Variants in ANKRD44 observed in about 807,000 individuals in gnomAD.
ANKRD44 encodes serine/threonine-protein phosphatase 6 regulatory ankyrin repeat subunit B.
Under a neutral mutation model 116.0 loss-of-function variants are expected in ANKRD44, and 35 were observed. That is an observed-to-expected ratio of 0.30 (90% CI 0.23 to 0.40). The LOEUF is 0.40. ANKRD44 is among the 10% of genes least tolerant of loss of function. ANKRD44 has a pLI of 1.00. For synonymous variants in ANKRD44, 435 were observed against 461.8 expected (o/e 0.94, Z 0.74); for missense variants, 1,014 against 1,242.6 (o/e 0.82, Z 2.77).
intron 1 of ANKRD44, among the ~76,000 whole-genome samples, chr2:197,266,915 G>A (rs184973460): frequency 6.6e-5 from 10 of 152,148 alleles, no homozygotes; most frequent in East Asian, 1.9e-4. Flanking sequence ...AAGCTTGACC[G>A]TCTCAGGTCA....
chr2:197,257,659 T>C (rs2082486421), intron 1 of ANKRD44, among the ~76,000 whole-genome samples: 1 of 152,152 alleles, frequency 6.6e-6, no homozygotes, highest in Non-Finnish European at 1.5e-5. Flanking sequence ...TGTACTTATT[T>C]CACATTGCAT....
intron 1 of ANKRD44, chr2:197,263,458 A>G (rs2082662508): frequency 8.2e-6 from 4 of 489,308 alleles, no homozygotes; most frequent in South Asian, 6.9e-5. Flanking sequence ...CTCCTACACC[A>G]TTCTAGGCTT....
chr2:196,973,575 T>G (rs964634839), intron 21 of ANKRD44, among the ~76,000 whole-genome samples: 16 of 152,166 alleles, frequency 1.1e-4, no homozygotes, highest in African/African-American at 3.6e-4. Context: ...TAAGTCTCCT[T>G]TTCATCCCTA....
chr2:197,113,488 G>A (rs1198345023), intron 8 of ANKRD44, among the ~76,000 whole-genome samples: 2 of 152,120 alleles, frequency 1.3e-5, no homozygotes, highest in Non-Finnish European at 2.9e-5. Context: ...TATATCTAAA[G>A]CTATAAATAC....
chr2:197,165,539 A>G (rs2080083603), intron 2 of ANKRD44, among the ~76,000 whole-genome samples: 1 of 152,218 alleles, frequency 6.6e-6, no homozygotes, highest in Non-Finnish European at 1.5e-5. Context: ...GCAGCTAGGA[A>G]TAGTGATTGG....
chr2:197,119,418 T>C (rs1234474214), intron 8 of ANKRD44, among the ~76,000 whole-genome samples: 1 of 152,050 alleles, frequency 6.6e-6, no homozygotes, highest in Non-Finnish European at 1.5e-5. Context: ...CAATTAAAAA[T>C]AAAAAAGCTT....
At chr2:197,215,324 A>G (rs2081420566) in intron 1 of ANKRD44, among the ~76,000 whole-genome samples, 2 of 152,352 alleles carry the variant, frequency 1.3e-5, no homozygotes, top group East Asian at 3.9e-4. Flanking sequence ...CAATTTTTCA[A>G]CTGAAGATTT....
chr2:196,994,191 CT>C (rs1271644549), intron 26 of ANKRD44, among the ~76,000 whole-genome samples: 5 of 151,142 alleles, frequency 3.3e-5, no homozygotes, highest in African/African-American at 1.2e-4. Context: ...GAATCTTTTT[CT>C]TTTTTTTTGA....
At chr2:197,271,676 C>T (rs1402926090) in intron 1 of ANKRD44, among the ~76,000 whole-genome samples, 1 of 152,176 alleles carries the variant, frequency 6.6e-6, no homozygotes, top group Admixed American at 6.5e-5. Context: ...CGCTCTGTTG[C>T]CCAGGCTGGA....
At chr2:197,228,437 C>A (rs544467885) in intron 1 of ANKRD44, among the ~76,000 whole-genome samples, 1 of 152,210 alleles carries the variant, frequency 6.6e-6, no homozygotes, top group Non-Finnish European at 1.5e-5. Context: ...TCAAACTCTT[C>A]GCTTTCTCAC....
At chr2:197,202,716 G>T (rs1017055522) in intron 1 of ANKRD44, among the ~76,000 whole-genome samples, 7 of 152,048 alleles carry the variant, frequency 4.6e-5, no homozygotes, top group Non-Finnish European at 1.0e-4. Flanking sequence ...TGGGACTACA[G>T]GTGTGCACCA....
chr2:197,010,544 T>C (rs1303291984), intron 18 of ANKRD44, among the ~76,000 whole-genome samples: 1 of 152,190 alleles, frequency 6.6e-6, no homozygotes, highest in Admixed American at 6.5e-5. Context: ...TCCAGGCAGC[T>C]TTAGAAGGCT....
intron 1 of ANKRD44, among the ~76,000 whole-genome samples, chr2:197,254,698 G>A (rs2082404914): frequency 6.7e-6 from 1 of 149,700 alleles, no homozygotes; most frequent in Admixed American, 6.7e-5. Flanking sequence ...TGATACTGTA[G>A]GAGTATGTTC....
chr2:197,248,497 GTAAGT>G (rs1225792342), intron 1 of ANKRD44, among the ~76,000 whole-genome samples: 1 of 150,904 alleles, frequency 6.6e-6, no homozygotes, highest in Non-Finnish European at 1.5e-5. Context: ...CCGTGATCAT[GTAAGT>G]TGATTCCTTA....
intron 21 of ANKRD44, among the ~76,000 whole-genome samples, chr2:196,968,579 G>C (rs1002825437): frequency 6.6e-6 from 1 of 152,148 alleles, no homozygotes; most frequent in Non-Finnish European, 1.5e-5. Flanking sequence ...GCCTGACCCA[G>C]TGTTTTTAAA....
intron 16 of ANKRD44, among the ~76,000 whole-genome samples, chr2:197,077,111 A>G (rs1337152962): frequency 6.6e-6 from 1 of 152,164 alleles, no homozygotes; most frequent in Non-Finnish European, 1.5e-5. Flanking sequence ...AAACTAATTT[A>G]CACTCCCACC....
intron 1 of ANKRD44, chr2:197,263,267 C>G: frequency 1.7e-6 from 1 of 585,358 alleles, no homozygotes; most frequent in East Asian, 3.7e-5. Context: ...CCTTACCTCA[C>G]TTGTCCCTGG....
intron 1 of ANKRD44, among the ~76,000 whole-genome samples, chr2:197,292,034 A>G (rs936265303): frequency 3.9e-5 from 6 of 152,224 alleles, no homozygotes; most frequent in African/African-American, 1.4e-4. Context: ...ATAGTATTCT[A>G]CTGTGTATAT....
rs1304718385 is a variant in ANKRD44 at position 197,261,400 on chromosome 2, T to C, written c.27+49178A>G. 2.6e-5 allele frequency among the ~76,000 whole-genome samples: 4 copies of C among 151,832 alleles called. No individual in the cohort carries two copies. In the South Asian group the frequency reaches 8.3e-4, roughly 32 times the overall value. On this transcript the variant is annotated intron_variant, in intron 1 of 27. Transcript: ENST00000282272. ...ACCAGATAGTTGTAGATATGTGGAA[T>C]TATTTCTGAGGGCTCTGTTCTGTTC... is the stretch of plus-strand genomic sequence containing the variant.
Sources: gnomAD v4.1 joint callset for allele counts (sites outside exome capture counted in the v4.1 genomes callset) on GRCh38, gnomAD v4.1.1 for gene constraint, MANE v1.5 for transcripts, NCBI Gene and HGNC (gene_info 2026-07-23, HGNC 2026-07-21) for gene names.